The following ZBTB16 variants were observed in gnomAD, a reference collection of about 807,000 sequenced individuals.
ZBTB16 encodes zinc finger and BTB domain-containing protein 16.
A neutral mutation model predicts 56.8 loss-of-function variants in ZBTB16; 8 were observed. That is an observed-to-expected ratio of 0.14 (90% CI 0.08 to 0.25). ZBTB16 has a LOEUF of 0.25. Ranked by LOEUF, ZBTB16 falls within the 10% of genes least tolerant of loss-of-function variation. The pLI is 1.00. For missense variants in ZBTB16, 625 were observed against 903.0 expected (o/e 0.69, Z 3.95); for synonymous variants, 363 against 368.5 (o/e 0.98, Z 0.17).
At chr11:114,184,838 G>A (rs949519278) in intron 3 of ZBTB16, among the ~76,000 whole-genome samples, 2 of 152,004 alleles carry the variant, frequency 1.3e-5, no homozygotes, top group Non-Finnish European at 2.9e-5. Context: ...TGGCTCGTAC[G>A]AGGCTCCAAT....
chr11:114,211,774 G>A (rs1944002268), intron 4 of ZBTB16, among the ~76,000 whole-genome samples: 1 of 152,214 alleles, frequency 6.6e-6, no homozygotes, highest in African/African-American at 2.4e-5. Context: ...CCAGCTTGCA[G>A]TGGGGGATTG....
intron 1 of ZBTB16, among the ~76,000 whole-genome samples, chr11:114,062,373 G>A (rs1042840623): frequency 1.3e-5 from 2 of 152,206 alleles, no homozygotes; most frequent in Non-Finnish European, 2.9e-5. Flanking sequence ...AAAGTGCTGG[G>A]ATTAGAGGCG....
chr11:114,172,585 C>G lies in ZBTB16; in HGVS notation c.1367-14367C>G, dbSNP rs76675622. 6.8e-3 allele frequency among the ~76,000 whole-genome samples: 1,039 copies of G among 152,288 alleles called. 13 individuals are homozygous for G. The highest frequency in any genetic ancestry group is 0.023 in the African/African-American group (967 of 41,556). On this transcript the variant is annotated intron_variant, in intron 3 of 6. Coordinates refer to ENST00000335953, the MANE Select transcript of ZBTB16 (RefSeq NM_006006.6). ...CCTCTGCGGCAAAGTTGTTTCCATC[C>G]CCTTTCCAGGCTGCCCATTTCTCCC...
chr11:114,148,429 C>G (rs1235189803), intron 2 of ZBTB16, among the ~76,000 whole-genome samples: 6 of 34,300 alleles, frequency 1.7e-4, no homozygotes, highest in Non-Finnish European at 3.6e-4. Context: ...CCCTCCCTCT[C>G]TCTCTCTTTC....
chr11:114,197,455 G>GTC (rs753105328), intron 4 of ZBTB16, among the ~76,000 whole-genome samples: 3 of 151,834 alleles, frequency 2.0e-5, no homozygotes, highest in Admixed American at 6.6e-5. Context: ...CTCTCTCTTT[G>GTC]TCTCTCTCTC....
At chr11:114,187,101 A>C (rs570127168) in intron 4 of ZBTB16, 63 bp downstream of exon 4, 2 of 1,539,066 alleles carry the variant, frequency 1.3e-6, no homozygotes, top group Non-Finnish European at 1.8e-6. Context: ...ATGGACATGA[A>C]CTGTCTGGGT....
At chr11:114,159,928 CGGGGGAGGCGG>C (rs1229324373) in intron 3 of ZBTB16, among the ~76,000 whole-genome samples, 6 of 48,986 alleles carry the variant, frequency 1.2e-4, no homozygotes, top group Admixed American at 6.2e-4. Flanking sequence ...GAACCCTGGG[CGGGGGAGGCGG>C]GGGGGAGGCG....
At chr11:114,102,620 T>G (rs1004665665) in intron 2 of ZBTB16, among the ~76,000 whole-genome samples, 4 of 151,344 alleles carry the variant, frequency 2.6e-5, no homozygotes, top group Non-Finnish European at 4.4e-5. Context: ...GGGCCTGTGT[T>G]TCTGGGATGA....
intron 4 of ZBTB16, among the ~76,000 whole-genome samples, chr11:114,207,968 C>T (rs569387506): frequency 7.9e-5 from 12 of 152,306 alleles, no homozygotes; most frequent in African/African-American, 2.9e-4. Context: ...CGGCTTGTCC[C>T]GAACTCCTGA....
In ZBTB16 at chr11:114,183,352, A is replaced by G. The variant is rs142299245; in HGVS notation, c.1367-3600A>G. Among the ~76,000 whole-genome samples the G allele has an allele frequency of 7.5e-3, 1,147 of 152,246 alleles. 17 individuals carry two copies. The highest frequency in any genetic ancestry group is 0.024 in the African/African-American group (1,015 of 41,536). On this transcript the variant is annotated intron_variant, in intron 3 of 6. Coordinates refer to ENST00000335953, the MANE Select transcript of ZBTB16 (RefSeq NM_006006.6). ...GCCGAGGCAGCCGCCTTTACTGATC[A>G]TGTGTGCTTATCTGTCTTCATCTTC...
intron 2 of ZBTB16, among the ~76,000 whole-genome samples, chr11:114,142,761 G>C (rs1011997694): frequency 7.1e-6 from 1 of 141,834 alleles, no homozygotes. Flanking sequence ...GGGCCTTGGG[G>C]AGGGGGAGCT....
At chr11:114,105,834 G>A (rs534041702) in intron 2 of ZBTB16, among the ~76,000 whole-genome samples, 28 of 152,290 alleles carry the variant, frequency 1.8e-4, no homozygotes, top group Non-Finnish European at 3.7e-4. Flanking sequence ...TAGTTCTGGG[G>A]AGATCCTTGT....
At chr11:114,080,520 G>C (rs956165129) in intron 2 of ZBTB16, among the ~76,000 whole-genome samples, 7 of 152,164 alleles carry the variant, frequency 4.6e-5, no homozygotes, top group Non-Finnish European at 8.8e-5. Context: ...GGAAGGATGA[G>C]TCATTCCCAT....
intron 2 of ZBTB16, among the ~76,000 whole-genome samples, chr11:114,124,570 A>AAAAACAAAAAAAAAAAAC (rs1565638154): frequency 6.8e-6 from 1 of 146,582 alleles, no homozygotes; most frequent in East Asian, 2.0e-4. Flanking sequence ...AAAAAAAAAA[A>AAAAACAAAAAAAAAAAAC]AACAAAAACA....
At chr11:114,132,231 A>G (rs1316499684) in intron 2 of ZBTB16, among the ~76,000 whole-genome samples, 1 of 152,108 alleles carries the variant, frequency 6.6e-6, no homozygotes, top group Non-Finnish European at 1.5e-5. Context: ...GCATATGAGT[A>G]GTTAGAGATA....
At chr11:114,129,035 A>G (rs1205246839) in intron 2 of ZBTB16, among the ~76,000 whole-genome samples, 2 of 152,142 alleles carry the variant, frequency 1.3e-5, no homozygotes, top group African/African-American at 4.8e-5. Context: ...GGTGCCCAGA[A>G]TCTGTTTGGC....
At chr11:114,138,080 C>T (rs76488722) in intron 2 of ZBTB16, among the ~76,000 whole-genome samples, 13,991 of 152,156 alleles carry the variant, frequency 0.092, 1,272 homozygotes, top group African/African-American at 0.24. Context: ...GCAGCCCCAG[C>T]GGCCAGGCTC....
chr11:114,144,375 C>T, intron 2 of ZBTB16, among the ~76,000 whole-genome samples: 1 of 152,330 alleles, frequency 6.6e-6, no homozygotes, highest in Middle Eastern at 3.4e-3. Context: ...GAATTACTGT[C>T]TCTTTGAAGT....
chr11:114,162,148 G>C (rs974220406), intron 3 of ZBTB16, among the ~76,000 whole-genome samples: 5 of 152,240 alleles, frequency 3.3e-5, no homozygotes, highest in Non-Finnish European at 5.9e-5. Context: ...CTTATCACCT[G>C]GGACCTGGGT....
Sources: gnomAD v4.1 joint callset for allele counts (sites outside exome capture counted in the v4.1 genomes callset) on GRCh38, gnomAD v4.1.1 for gene constraint, MANE v1.5 for transcripts, NCBI Gene and HGNC (gene_info 2026-07-23, HGNC 2026-07-21) for gene names.